The following OTULINL variants were observed in gnomAD, a reference collection of about 807,000 sequenced individuals.
OTULINL encodes the protein OTU deubiquitinase with linear linkage specificity like.
A neutral mutation model predicts 43.9 loss-of-function variants in OTULINL; 42 were observed. The observed-to-expected ratio is 0.96, with a 90% CI of 0.75 to 1.24. The LOEUF is 1.24. OTULINL is among the 50% of genes most tolerant of loss of function. The pLI is 0.00. For synonymous variants in OTULINL, 172 were observed against 153.6 expected, an observed-to-expected ratio of 1.12 and a Z score of -0.88; for missense variants, 411 against 426.4, an observed-to-expected ratio of 0.96 and a Z score of 0.32.
At chr5:14,609,441 TTC>T (rs1174377987) in intron 7 of OTULINL, among the ~76,000 whole-genome samples, 1 of 152,226 alleles carries the variant, frequency 6.6e-6, no homozygotes, top group Non-Finnish European at 1.5e-5. Context: ...AGAAAAGAGT[TTC>T]TTTTTTGTTT....
chr5:14,594,428 G>T (rs900047451), intron 1 of OTULINL, among the ~76,000 whole-genome samples: 21 of 152,234 alleles, frequency 1.4e-4, no homozygotes, highest in Admixed American at 1.0e-3. Flanking sequence ...TTTCCCTGCA[G>T]TCACACTGAG....
intron 1 of OTULINL, among the ~76,000 whole-genome samples, chr5:14,597,485 CT>C (rs1759307495): frequency 6.6e-6 from 1 of 152,228 alleles, no homozygotes; most frequent in Admixed American, 6.5e-5. Context: ...TTACTGCCTG[CT>C]CCATGGCATG....
intron 3 of OTULINL, 51 bp from the exon 4 acceptor site, chr5:14,601,300 A>AGGGTGCAAG: frequency 6.2e-7 from 1 of 1,610,280 alleles, no homozygotes; most frequent in Non-Finnish European, 8.5e-7. Context: ...AGGGTTCAAG[A>AGGGTGCAAG]AGGGAGAAGA....
At chr5:14,585,516 C>T (rs1471640536) in intron 1 of OTULINL, among the ~76,000 whole-genome samples, 1 of 152,132 alleles carries the variant, frequency 6.6e-6, no homozygotes, top group Non-Finnish European at 1.5e-5. Context: ...TTCTCTGGCT[C>T]GGGTCTCAAG....
chr5:14,606,771 G>T (rs1759488130), intron 5 of OTULINL, among the ~76,000 whole-genome samples: 1 of 152,116 alleles, frequency 6.6e-6, no homozygotes, highest in Admixed American at 6.5e-5. Context: ...AGTAAGTTTG[G>T]TAACTATTTT....
At position 14,610,427 on chromosome 5, in the gene OTULINL, T is replaced by A; in HGVS notation, c.*113T>A. 2 of 1,097,232 alleles carry A rather than the reference T, an allele frequency of 1.8e-6. No individual in the cohort carries two copies. The highest frequency in any genetic ancestry group is 2.6e-6 in the Non-Finnish European group (2 of 766,692). 68.0% of individuals were successfully genotyped at this position (1,097,232 alleles called of 1,614,324 possible). A position where few individuals can be genotyped will look rare whatever the true frequency, so the allele number is the denominator to read the frequency against. ...CAGCATGGAAGGAATTAGGACCTTT[T>A]CTTCAGGATTACAGGTACACTGGAT... is the stretch of plus-strand genomic sequence containing the variant. On this transcript the variant is annotated 3_prime_UTR_variant, in exon 8 of 8. Coordinates refer to ENST00000274217, the MANE Select transcript of OTULINL (RefSeq NM_019018.3).
At chr5:14,582,961 C>T (rs1759041416) in intron 1 of OTULINL, among the ~76,000 whole-genome samples, 1 of 152,028 alleles carries the variant, frequency 6.6e-6, no homozygotes, top group South Asian at 2.1e-4. Flanking sequence ...ATGAGCATAG[C>T]TGCTGCTTGG....
chr5:14,598,011 C>T (rs1759316141), intron 1 of OTULINL, among the ~76,000 whole-genome samples: 1 of 152,036 alleles, frequency 6.6e-6, no homozygotes, highest in Non-Finnish European at 1.5e-5. Context: ...TGGTCTGTAG[C>T]GGGTCCCCAT....
chr5:14,583,074 CAGTG>C (rs1759043338), intron 1 of OTULINL, among the ~76,000 whole-genome samples: 1 of 152,178 alleles, frequency 6.6e-6, no homozygotes, highest in African/African-American at 2.4e-5. Flanking sequence ...GCAGGAACTG[CAGTG>C]ATTATGGCAA....
intron 7 of OTULINL, among the ~76,000 whole-genome samples, chr5:14,609,929 A>G (rs895163233): frequency 6.6e-6 from 1 of 152,084 alleles, no homozygotes. Flanking sequence ...TGATTTTTAC[A>G]TGCTAGTCTA....
intron 1 of OTULINL, among the ~76,000 whole-genome samples, 190 bp downstream of exon 1, chr5:14,582,148 C>G (rs888143595): frequency 6.6e-6 from 1 of 152,106 alleles, no homozygotes; most frequent in Admixed American, 6.5e-5. Flanking sequence ...GGGGCTGCAC[C>G]CCCACTCGGG....
rs1251120706 is a variant in OTULINL, at chr5:14,589,334, A to G, written c.64+7376A>G. On this transcript the variant is annotated intron_variant, in intron 1 of 7. Transcript: ENST00000274217. ...GAGAATGAGTGGAATGAACTAGGGC[A>G]TGGTTAGAAGGAAGAATGTTTCAGA... is the stretch of plus-strand genomic sequence containing the variant. Among the ~76,000 whole-genome samples the G allele has an allele frequency of 3.3e-5, 5 of 152,328 alleles. 1 individual carries two copies. Among genetic ancestry groups the G allele is most frequent in the Non-Finnish European group, 1.5e-5 (1 of 68,022 alleles).
chr5:14,595,640 C>CTTT (rs61482298), intron 1 of OTULINL, among the ~76,000 whole-genome samples: 78 of 57,106 alleles, frequency 1.4e-3, no homozygotes, highest in African/African-American at 1.6e-3. Flanking sequence ...AAAAACGGTG[C>CTTT]TTTTTTTTTT....
chr5:14,582,416 G>A (rs1396767537), intron 1 of OTULINL, among the ~76,000 whole-genome samples: 3 of 152,034 alleles, frequency 2.0e-5, no homozygotes, highest in Non-Finnish European at 2.9e-5. Flanking sequence ...GTTGCGTTTC[G>A]CGCCCTGCTG....
At chr5:14,589,273 T>C (rs1036548968) in intron 1 of OTULINL, among the ~76,000 whole-genome samples, 5 of 151,970 alleles carry the variant, frequency 3.3e-5, no homozygotes, top group African/African-American at 9.7e-5. Context: ...AGCCTGGAGG[T>C]TGGAAACAGA....
intron 5 of OTULINL, among the ~76,000 whole-genome samples, chr5:14,607,057 C>T (rs1169828615): frequency 2.0e-5 from 3 of 152,066 alleles, no homozygotes; most frequent in Non-Finnish European, 4.4e-5. Flanking sequence ...GGTGCAACCC[C>T]GTCTCTACTA....
Position 14,610,085 on chromosome 5 carries a change from G to A in OTULINL, c.898-56G>A, listed in dbSNP as rs527695662. On this transcript the variant is annotated intron_variant, in intron 7 of 7. Coordinates refer to ENST00000274217, the MANE Select transcript of OTULINL (RefSeq NM_019018.3). ...GAGGAACACTTCCCCCCACCGTGGC[G>A]GGAGGCAGGAATTTGCAAGTGTGTA... 45 of 1,505,586 alleles carry A rather than the reference G, an allele frequency of 3.0e-5. 1 individual carries two copies. The East Asian group carries it at 6.8e-4, about 23-fold the overall frequency. 93.3% of individuals were successfully genotyped at this position (1,505,586 alleles called of 1,614,324 possible).
chr5:14,598,710 C>T (rs1277000850), intron 1 of OTULINL, among the ~76,000 whole-genome samples: 1 of 151,882 alleles, frequency 6.6e-6, no homozygotes, highest in Non-Finnish European at 1.5e-5. Flanking sequence ...GGCACAAGAC[C>T]CTGTCTCAAA....
Position 14,615,487 on chromosome 5 carries a change from G to T in OTULINL, c.*5173G>T, listed in dbSNP as rs903857976. ...GGAGAGGACCAGAAAAGCTGCTTGGGTGTGGTGGAAGTTTCAGTGTAATGT... is the reference window on the plus strand; with the variant it reads ...GGAGAGGACCAGAAAAGCTGCTTGGTTGTGGTGGAAGTTTCAGTGTAATGT... On this transcript the variant is annotated 3_prime_UTR_variant, in exon 8 of 8. Transcript: ENST00000274217. Among the ~76,000 whole-genome samples, 9 of 152,210 alleles carry T rather than the reference G, an allele frequency of 5.9e-5. No individual in the cohort carries two copies. The highest frequency in any genetic ancestry group is 2.2e-4 in the African/African-American group (9 of 41,444).
Sources: allele counts gnomAD v4.1 joint callset (sites outside exome capture counted in the v4.1 genomes callset), GRCh38; gene constraint gnomAD v4.1.1; transcripts MANE v1.5; gene names NCBI Gene and HGNC (gene_info 2026-07-23, HGNC 2026-07-21).